The following KCNK10 variants were observed in gnomAD, a reference collection of about 807,000 sequenced individuals.
KCNK10 encodes the protein potassium two pore domain channel subfamily K member 10, also known as potassium channel subfamily K member 10.
In KCNK10, 25 loss-of-function variants were observed where a neutral mutation model predicts 47.7. That is an observed-to-expected ratio of 0.52 (90% CI 0.38 to 0.73). KCNK10 has a LOEUF of 0.73. Among genes scored for constraint, KCNK10 ranks in the 30% least tolerant of loss-of-function variants. The probability of loss-of-function intolerance (pLI) is 0.00; values close to 1 mark genes in which losing one functional copy is unlikely to be tolerated. For missense variants in KCNK10, 563 were observed against 714.5 expected, an observed-to-expected ratio of 0.79 and a Z score of 2.42; for synonymous variants, 303 against 285.6, an observed-to-expected ratio of 1.06 and a Z score of -0.61.
intron 1 of KCNK10, among the ~76,000 whole-genome samples, chr14:88,275,085 C>G (rs960309100): frequency 6.6e-6 from 1 of 152,190 alleles, no homozygotes; most frequent in Non-Finnish European, 1.5e-5. Context: ...CGCCTTTTCT[C>G]CTGATACCTG....
At chr14:88,212,664 C>T (rs1012538068) in intron 4 of KCNK10, among the ~76,000 whole-genome samples, 6 of 152,130 alleles carry the variant, frequency 3.9e-5, no homozygotes, top group African/African-American at 1.4e-4. Flanking sequence ...AGGGGTCCAC[C>T]ACCTATAGGA....
chr14:88,194,459 T>C (rs914296734), intron 4 of KCNK10, among the ~76,000 whole-genome samples: 5 of 152,218 alleles, frequency 3.3e-5, no homozygotes, highest in Admixed American at 2.6e-4. Context: ...CAAATATTCC[T>C]CCTCAAATGC....
rs1336966473 is a variant in KCNK10 at position 88,180,697 on chromosome 14, C to T, written c.*4838G>A. 2 of 398,468 alleles carry T rather than the reference C, an allele frequency of 5.0e-6. No individual in the cohort carries two copies. Among genetic ancestry groups the T allele is most frequent in the Non-Finnish European group, 8.9e-6 (2 of 225,972 alleles). The allele number at this position is 398,468 out of a possible 1,614,324, so 24.7% of individuals were successfully genotyped here. On this transcript the variant is annotated 3_prime_UTR_variant, in exon 7 of 7. Transcript: ENST00000319231. ...AAAATCAGAGACACCTCTCATTTCT[C>T]CTCAATGCCACTGCACTGATGTCAA...
intron 4 of KCNK10, among the ~76,000 whole-genome samples, chr14:88,211,594 C>T (rs1279810999): frequency 1.3e-5 from 2 of 152,068 alleles, no homozygotes; most frequent in Admixed American, 1.3e-4. Flanking sequence ...CTGGGAGTAA[C>T]TTAGAGGAAA....
rs28444415 is a variant in KCNK10, at chr14:88,253,829, C to T, written c.402+9373G>A. Reference sequence around the variant, plus strand: ...AGGAGAATCACTTGAATCCAGGAGGCAGAGGTTGCAGTGAGCTAAGATCTC... The same window carrying T: ...AGGAGAATCACTTGAATCCAGGAGGTAGAGGTTGCAGTGAGCTAAGATCTC... On this transcript the variant is annotated intron_variant, in intron 2 of 6. Transcript: ENST00000319231. 6.1e-3 allele frequency among the ~76,000 whole-genome samples: 933 copies of T among 152,244 alleles called. 10 individuals are homozygous for T. The highest frequency in any genetic ancestry group is 0.022 in the African/African-American group (894 of 41,528).
At chr14:88,254,034 A>AC (rs1265331181) in intron 2 of KCNK10, among the ~76,000 whole-genome samples, 1 of 151,680 alleles carries the variant, frequency 6.6e-6, no homozygotes, top group African/African-American at 2.4e-5. Context: ...GTGGGAAGAG[A>AC]CCCCCCAAAA....
intron 1 of KCNK10, among the ~76,000 whole-genome samples, chr14:88,291,438 G>A (rs116078875): frequency 0.027 from 4,163 of 152,296 alleles, 195 homozygotes; most frequent in African/African-American, 0.095. Context: ...AGCCATATAA[G>A]AGAATTCGCT....
At chr14:88,302,894 C>T (rs1888132142) in intron 1 of KCNK10, among the ~76,000 whole-genome samples, 1 of 152,128 alleles carries the variant, frequency 6.6e-6, no homozygotes, top group Non-Finnish European at 1.5e-5. Flanking sequence ...CTTCCTTTAA[C>T]AGATCCAATT....
chr14:88,216,895 G>T (rs1004928288), intron 4 of KCNK10, among the ~76,000 whole-genome samples: 1 of 152,232 alleles, frequency 6.6e-6, no homozygotes, highest in Non-Finnish European at 1.5e-5. Context: ...GGTGGCTCAT[G>T]CCTGTAATCC....
chr14:88,195,013 C>T (rs185072011), intron 4 of KCNK10, among the ~76,000 whole-genome samples: 105 of 133,288 alleles, frequency 7.9e-4, no homozygotes, highest in African/African-American at 3.2e-3. Context: ...GTTTTTGCTG[C>T]CCTCTAGGTA....
At chr14:88,255,153 T>C (rs113967212) in intron 2 of KCNK10, among the ~76,000 whole-genome samples, 2,424 of 152,322 alleles carry the variant, frequency 0.016, 59 homozygotes, top group African/African-American at 0.056. Context: ...TCTTGAATCA[T>C]GTTTCCTTCT....
chr14:88,316,028 T>C (rs1888424993), intron 1 of KCNK10, among the ~76,000 whole-genome samples: 1 of 152,156 alleles, frequency 6.6e-6, no homozygotes, highest in African/African-American at 2.4e-5. Flanking sequence ...TCAAAGTTAC[T>C]TCCATGGAAA....
At chr14:88,304,771 T>C (rs1164381992) in intron 1 of KCNK10, among the ~76,000 whole-genome samples, 2 of 152,210 alleles carry the variant, frequency 1.3e-5, no homozygotes, top group Non-Finnish European at 2.9e-5. Context: ...ATATGTGTGT[T>C]AGATAACTTT....
At chr14:88,189,508 C>T (rs1485957529) in intron 5 of KCNK10, among the ~76,000 whole-genome samples, 3 of 152,054 alleles carry the variant, frequency 2.0e-5, no homozygotes, top group Admixed American at 6.6e-5. Flanking sequence ...TCACTATTAC[C>T]CAGCAAAGAT....
At chr14:88,201,939 C>T (rs893823410) in intron 4 of KCNK10, among the ~76,000 whole-genome samples, 16 of 152,170 alleles carry the variant, frequency 1.1e-4, no homozygotes, top group African/African-American at 3.9e-4. Flanking sequence ...TCAACAGTGC[C>T]CTACCCTTTG....
rs1886029127 is a variant in KCNK10, at chr14:88,227,600, C to G, written c.521-65G>C. The G allele has an allele frequency of 7.1e-5, 104 of 1,472,224 alleles. 2 individuals carry two copies. The South Asian group carries it at 1.3e-3, about 19-fold the overall frequency. The allele number at this position is 1,472,224 out of a possible 1,614,324, so 91.2% of individuals were successfully genotyped here. ...ATTAGCATACTGACCAAAGAACTCA[C>G]AGACTTTTTTAAAAGTTTGTACATT... On this transcript the variant is annotated intron_variant, in intron 3 of 6. Coordinates refer to ENST00000319231, the MANE Select transcript of KCNK10 (RefSeq NM_138317.3).
intron 4 of KCNK10, among the ~76,000 whole-genome samples, chr14:88,213,921 TTTATTATTATTATTA>T (rs35954048): frequency 2.4e-5 from 3 of 126,410 alleles, no homozygotes; most frequent in Admixed American, 7.8e-5. Flanking sequence ...TTTATTTTAC[TTTATTATTATTATTA>T]TTATTATTAT....
At chr14:88,235,388 A>G (rs1886273038) in intron 3 of KCNK10, 2 of 361,004 alleles carry the variant, frequency 5.5e-6, no homozygotes, top group Admixed American at 7.2e-5. Context: ...AAAGAGGCTC[A>G]CCAGAAAAAT....
chr14:88,308,238 G>A (rs1317741690), intron 1 of KCNK10, among the ~76,000 whole-genome samples: 1 of 152,128 alleles, frequency 6.6e-6, no homozygotes, highest in Admixed American at 6.5e-5. Flanking sequence ...GCTCCTACAG[G>A]TCTCTTCCAG....
Sources: gnomAD v4.1 joint callset for allele counts (sites outside exome capture counted in the v4.1 genomes callset) on GRCh38, gnomAD v4.1.1 for gene constraint, MANE v1.5 for transcripts, NCBI Gene and HGNC (gene_info 2026-07-23, HGNC 2026-07-21) for gene names.